BAZ2B: variants seen among roughly 807,000 people sequenced by gnomAD.
BAZ2B encodes bromodomain adjacent to zinc finger domain protein 2B.
In BAZ2B, 91 loss-of-function variants were observed where a neutral mutation model predicts 246.0. The observed-to-expected ratio is 0.37, with a 90% CI of 0.31 to 0.44. The LOEUF is 0.44. Ranked by LOEUF, BAZ2B falls within the 20% of genes least tolerant of loss-of-function variation. The pLI, the probability that BAZ2B is intolerant of heterozygous loss-of-function variation, is 1.00. For synonymous variants in BAZ2B, 855 were observed against 860.0 expected (o/e 0.99, Z 0.10); for missense variants, 2,332 against 2,533.7 (o/e 0.92, Z 1.71).
At chr2:159,585,629 A>G (rs145307564) in intron 1 of BAZ2B, among the ~76,000 whole-genome samples, 405 of 152,382 alleles carry the variant, frequency 2.7e-3, no homozygotes, top group African/African-American at 9.0e-3. Flanking sequence ...TATTCATACT[A>G]GAAATATTCT....
chr2:159,580,965 T>C (rs570152046), intron 1 of BAZ2B, among the ~76,000 whole-genome samples: 1 of 152,334 alleles, frequency 6.6e-6, no homozygotes, highest in South Asian at 2.1e-4. Flanking sequence ...ATAAAAATCC[T>C]AGAAGAAAAC....
chr2:159,613,886 G>A (rs1027293706), intron 1 of BAZ2B, among the ~76,000 whole-genome samples: 7 of 152,104 alleles, frequency 4.6e-5, no homozygotes, highest in Non-Finnish European at 1.0e-4. Flanking sequence ...TGGATAAATA[G>A]ATAACACCAA....
chr2:159,407,387 G>A (rs1292750038), intron 14 of BAZ2B, among the ~76,000 whole-genome samples: 2 of 152,044 alleles, frequency 1.3e-5, no homozygotes, highest in East Asian at 3.9e-4. Context: ...CAGAAGAACT[G>A]CTTGATCCCG....
chr2:159,430,035 G>A, intron 10 of BAZ2B, among the ~76,000 whole-genome samples: 1 of 152,104 alleles, frequency 6.6e-6, no homozygotes, highest in East Asian at 1.9e-4. Context: ...GGAAAAAAAA[G>A]GACATGGCAC....
chr2:159,499,600 C>T (rs1051194908), intron 2 of BAZ2B, among the ~76,000 whole-genome samples: 3 of 152,222 alleles, frequency 2.0e-5, no homozygotes, highest in African/African-American at 7.2e-5. Context: ...AATCGCCATA[C>T]TGTCTTCCAC....
At chr2:159,558,094 G>T (rs2089420124) in intron 1 of BAZ2B, among the ~76,000 whole-genome samples, 1 of 152,050 alleles carries the variant, frequency 6.6e-6, no homozygotes, top group African/African-American at 2.4e-5. Context: ...AACAAGGATA[G>T]CAAAAAAGTG....
intron 27 of BAZ2B, among the ~76,000 whole-genome samples, chr2:159,370,322 A>G (rs565352331): frequency 1.0e-3 from 114 of 109,550 alleles, no homozygotes; most frequent in Non-Finnish European, 2.4e-3. Flanking sequence ...AGTATAATAA[A>G]AATATATATT....
chr2:159,352,338 C>T (rs1245287173), intron 27 of BAZ2B, among the ~76,000 whole-genome samples: 7 of 152,212 alleles, frequency 4.6e-5, no homozygotes, highest in African/African-American at 1.4e-4. Flanking sequence ...AATTAGGACC[C>T]CCCATTCATC....
chr2:159,601,946 CTTTG>C (rs1692259292), intron 1 of BAZ2B, among the ~76,000 whole-genome samples: 1 of 152,082 alleles, frequency 6.6e-6, no homozygotes, highest in Non-Finnish European at 1.5e-5. Flanking sequence ...GCAAAATTAT[CTTTG>C]TTTGTATATG....
rs572884622 is a variant in BAZ2B at position 159,538,405 on chromosome 2, G to T, written c.-3+17418C>A. Among the ~76,000 whole-genome samples the T allele has an allele frequency of 2.0e-5, 3 of 152,164 alleles. No homozygotes were observed. The South Asian group carries it at 6.2e-4, about 32-fold the overall frequency. The stretch of plus-strand genomic sequence containing the variant: ...TGCATGTGGTACTCTGCATTTATTT[G>T]TAACTGCATTTTCATTTTAGGAATC... On this transcript the variant is annotated intron_variant, in intron 2 of 36. Coordinates refer to ENST00000392783, the MANE Select transcript of BAZ2B (RefSeq NM_013450.4).
the BAZ2B span, among the ~76,000 whole-genome samples, chr2:159,683,101 C>G: frequency 6.6e-6 from 1 of 151,970 alleles, no homozygotes; most frequent in Non-Finnish European, 1.5e-5. Context: ...ATTATACTTT[C>G]GACAAATGTA....
At chr2:159,447,399 C>T (rs117773662) in intron 5 of BAZ2B, among the ~76,000 whole-genome samples, 1,691 of 152,228 alleles carry the variant, frequency 0.011, 51 homozygotes, top group East Asian at 0.09. Context: ...AAATGCAAAA[C>T]TTTGTGTTTT....
At chr2:159,657,968 C>T in the BAZ2B span, among the ~76,000 whole-genome samples, 6 of 152,162 alleles carry the variant, frequency 3.9e-5, no homozygotes, top group African/African-American at 7.2e-5. Flanking sequence ...CAGTATGACA[C>T]CGAATGGGAG....
intron 2 of BAZ2B, among the ~76,000 whole-genome samples, chr2:159,505,841 C>T (rs1298741477): frequency 6.6e-6 from 1 of 152,108 alleles, no homozygotes; most frequent in Non-Finnish European, 1.5e-5. Flanking sequence ...GCTTCTAAAA[C>T]CTGAAACTGA....
the BAZ2B span, among the ~76,000 whole-genome samples, chr2:159,663,472 G>T: frequency 6.6e-6 from 1 of 151,552 alleles, no homozygotes; most frequent in East Asian, 1.9e-4. Context: ...CAAAGTGCTG[G>T]GATTACAGGT....
Position 159,400,619 on chromosome 2 carries a change from G to T in BAZ2B, c.2878C>A (p.Arg960=). ...IQQIRMEKEL[R]AQQILEAKKK... Reference sequence around the variant, plus strand: ...TCTACCTCTAGAATTTGCTGAGCTCGAAGTTCTTTTTCCATTCTGATTTGC... The same window carrying T: ...TCTACCTCTAGAATTTGCTGAGCTCTAAGTTCTTTTTCCATTCTGATTTGC... Residue 960 remains arginine, a synonymous_variant, in exon 17 of 37, where the codon CGA becomes AGA. Coordinates refer to ENST00000392783, the MANE Select transcript of BAZ2B (RefSeq NM_013450.4). 1 of 1,574,544 alleles carries T rather than the reference G, an allele frequency of 6.4e-7. No individual in the cohort carries two copies. Among genetic ancestry groups the T allele is most frequent in the South Asian group, 1.1e-5 (1 of 87,612 alleles).
intron 1 of BAZ2B, among the ~76,000 whole-genome samples, chr2:159,578,156 A>C (rs1444056328): frequency 6.6e-6 from 1 of 152,208 alleles, no homozygotes; most frequent in African/African-American, 2.4e-5. Context: ...ATGAAGACAA[A>C]AATTCAAAGC....
the BAZ2B span, among the ~76,000 whole-genome samples, chr2:159,703,488 C>T: frequency 1.0e-4 from 2 of 19,476 alleles, no homozygotes; most frequent in Non-Finnish European, 2.0e-4. Context: ...TCACTTCTAC[C>T]CCCCGCAAAA....
At chr2:159,603,068 C>G (rs1384598349) in intron 1 of BAZ2B, among the ~76,000 whole-genome samples, 1 of 152,078 alleles carries the variant, frequency 6.6e-6, no homozygotes. Context: ...AACCAGCAGG[C>G]GGAGGTTGCA....
Sources: gnomAD v4.1 joint callset for allele counts (sites outside exome capture counted in the v4.1 genomes callset) on GRCh38, gnomAD v4.1.1 for gene constraint, MANE v1.5 for transcripts, NCBI Gene and HGNC (gene_info 2026-07-23, HGNC 2026-07-21) for gene names.